CIT: variants seen among roughly 807,000 people sequenced by gnomAD.
CIT encodes citron Rho-interacting kinase.
CIT carries 79 observed loss-of-function variants against 272.7 expected under a neutral mutation model. That is an observed-to-expected ratio of 0.29 (90% CI 0.24 to 0.35). The LOEUF is 0.35. Among genes scored for constraint, CIT ranks in the 10% least tolerant of loss-of-function variants. The pLI is 1.00. For synonymous variants in CIT, 948 were observed against 995.6 expected, an observed-to-expected ratio of 0.95 and a Z score of 0.90; for missense variants, 1,909 against 2,618.3, an observed-to-expected ratio of 0.73 and a Z score of 5.91.
rs538231478 is a variant in CIT at position 119,826,097 on chromosome 12, C to T, written c.754-729G>A. Reference sequence around the variant, plus strand: ...AGAAAAAAGAGAAGAGAACTGGTGGCTAACTGGCAAGATAATATTACAAAT... The same window carrying T: ...AGAAAAAAGAGAAGAGAACTGGTGGTTAACTGGCAAGATAATATTACAAAT... On this transcript the variant is annotated intron_variant, in intron 7 of 47. Transcript: ENST00000392521. 1.2e-3 allele frequency among the ~76,000 whole-genome samples: 189 copies of T among 152,104 alleles called. 2 individuals are homozygous for T. The highest frequency in any genetic ancestry group is 3.4e-3 in the Middle Eastern group (1 of 292).
chr12:119,783,000 T>C, intron 12 of CIT: 1 of 165,834 alleles, frequency 6.0e-6, no homozygotes, highest in Non-Finnish European at 1.3e-5. Flanking sequence ...TCTACAGTTA[T>C]TTGTGGGCCC....
rs1372568893 is a variant in CIT, at chr12:119,694,811, A to T, written c.5882+2848T>A. Among the ~76,000 whole-genome samples the T allele has an allele frequency of 6.6e-6, 1 of 151,556 alleles. No homozygotes were observed. The highest frequency in any genetic ancestry group is 1.9e-4 in the East Asian group (1 of 5,148). On this transcript the variant is annotated intron_variant, in intron 46 of 47. Transcript: ENST00000392521. The surrounding 1 kb of genome is among the most constrained non-coding windows in gnomAD (Gnocchi z 4.5). Reference sequence around the variant, plus strand: ...ACAGAGTGAGACCCTACCTCGAAAAAAAATAAATAAATAAAAATAAAAAAT... The same window carrying T: ...ACAGAGTGAGACCCTACCTCGAAAATAAATAAATAAATAAAAATAAAAAAT...
At chr12:119,714,063 C>A (rs906374984) in intron 33 of CIT, 134 bp downstream of exon 33, 10 of 984,102 alleles carry the variant, frequency 1.0e-5, no homozygotes, top group Non-Finnish European at 1.5e-5. Flanking sequence ...AAAATAGCAT[C>A]CTCCTACTGA....
At chr12:119,836,053 C>A (rs1278140362) in intron 5 of CIT, among the ~76,000 whole-genome samples, 1 of 151,878 alleles carries the variant, frequency 6.6e-6, no homozygotes, top group African/African-American at 2.4e-5. Context: ...CTTTGGGAGG[C>A]CGAGGCAGGC....
At chr12:119,750,994 C>A (rs1960190472) in intron 23 of CIT, among the ~76,000 whole-genome samples, 1 of 151,968 alleles carries the variant, frequency 6.6e-6, no homozygotes, top group Non-Finnish European at 1.5e-5. Flanking sequence ...ACACTAAACC[C>A]AATCAGCTGT....
At position 119,710,212 on chromosome 12, in the gene CIT, T is replaced by C; in HGVS notation, c.5071+39A>G. On this transcript the variant is annotated intron_variant, in intron 39 of 47. Transcript: ENST00000392521. The surrounding 1 kb of genome is among the most constrained non-coding windows in gnomAD (Gnocchi z 5.6). ...CGTGGCTTCAACATATTGGCTCCCTTGAAAGTAAAGAAAAAACACCATGTC... is the reference window on the plus strand; with the variant it reads ...CGTGGCTTCAACATATTGGCTCCCTCGAAAGTAAAGAAAAAACACCATGTC... 6.2e-7 allele frequency: 1 copy of C among 1,600,338 alleles called. No individual in the cohort carries two copies. The highest frequency in any genetic ancestry group is 1.4e-5 in the African/African-American group (1 of 73,980).
At chr12:119,711,169 T>A in intron 37 of CIT, 7 of 1,212,954 alleles carry the variant, frequency 5.8e-6, no homozygotes, top group Non-Finnish European at 7.9e-6. Context: ...CAAACAGGTC[T>A]AACCACTGAG....
Position 119,708,260 on chromosome 12 carries a change from C to T in CIT, c.5130G>A (p.Gln1710=), listed in dbSNP as rs983680668. 6.2e-7 allele frequency: 1 copy of T among 1,607,690 alleles called. No individual in the cohort carries two copies. Among genetic ancestry groups the T allele is most frequent in the African/African-American group, 1.3e-5 (1 of 74,584 alleles). Reference sequence around the variant, plus strand: ...TGTCGGGCTGGGCAGGCAGGTGGGACTGGGCCAGGGACTGTTTCACTTTCT... The same window carrying T: ...TGTCGGGCTGGGCAGGCAGGTGGGATTGGGCCAGGGACTGTTTCACTTTCT... ...DVKKVKQSLA[Q]SHLPAQPDIS... Residue 1710 remains glutamine (Q), a synonymous_variant, in exon 40 of 48, where the codon CAG becomes CAA. Coordinates refer to ENST00000392521, the MANE Select transcript of CIT (RefSeq NM_001206999.2).
intron 24 of CIT, among the ~76,000 whole-genome samples, chr12:119,738,842 C>T (rs1958917802): frequency 6.6e-6 from 1 of 150,406 alleles, no homozygotes; most frequent in Non-Finnish European, 1.5e-5. Flanking sequence ...AAGATCACGC[C>T]ATTGCACCCC....
rs932217778 is a variant in CIT at position 119,768,093 on chromosome 12, G to A, written c.2209-911C>T. Among the ~76,000 whole-genome samples the A allele has an allele frequency of 6.6e-6, 1 of 151,958 alleles. No homozygotes were observed. Among genetic ancestry groups the A allele is most frequent in the Non-Finnish European group, 1.5e-5 (1 of 67,984 alleles). The stretch of plus-strand genomic sequence containing the variant: ...TGCCCGGCTAATTTTTGTATTTTTA[G>A]TAGAGGCGAGGTTTCACCATGTCGG... On this transcript the variant is annotated intron_variant, in intron 18 of 47. Transcript: ENST00000392521. This position sits in a 1 kb window ranked among gnomAD's most constrained non-coding sequence, Gnocchi z 4.3.
intron 10 of CIT, among the ~76,000 whole-genome samples, chr12:119,785,739 C>A (rs1269131142): frequency 6.6e-6 from 1 of 151,884 alleles, no homozygotes; most frequent in Non-Finnish European, 1.5e-5. Flanking sequence ...GTGACCGTGC[C>A]TGACTAATTT....
In CIT at chr12:119,712,499, G is replaced by A. The variant is rs1957216705; in HGVS notation, c.4684+92C>T. ...CGGAGGAAGATGGGCCTCCTTTGCA[G>A]AGCCAATCTTCCCTGTACCACCCCT... On this transcript the variant is annotated intron_variant, in intron 36 of 47. Transcript: ENST00000392521. This position sits in a 1 kb window ranked among gnomAD's most constrained non-coding sequence, Gnocchi z 5.2. The A allele has an allele frequency of 4.3e-6, 6 of 1,406,828 alleles. No individual in the cohort carries two copies. The highest frequency in any genetic ancestry group is 6.0e-6 in the Non-Finnish European group (6 of 1,007,644). 87.1% of individuals were successfully genotyped at this position (1,406,828 alleles called of 1,614,324 possible). A position where few individuals can be genotyped will look rare whatever the true frequency, so the allele number is the denominator to read the frequency against.
rs1197308659 is a variant in CIT, at chr12:119,742,460, T to C, written c.2909A>G (p.His970Arg). 1 of 1,610,422 alleles carries C rather than the reference T, an allele frequency of 6.2e-7. No individual in the cohort carries two copies. Residue 970 changes from histidine (H) to arginine (R), a missense_variant, in exon 24 of 48, where the codon CAT becomes CGT. This residue lies in a region of CIT where 530 missense variants were observed against 822.4 expected (regional missense o/e 0.64). Coordinates refer to ENST00000392521, the MANE Select transcript of CIT (RefSeq NM_001206999.2). ...AAATTTGCGCTGGATTTCATCTCTA[T>C]GTGCCTAAAAGGTAAGAAGTTGATT... ...AEEEIQALTA[H>R]RDEIQRKFDA...
chr12:119,850,235 C>T lies in CIT; in HGVS notation c.455G>A (p.Ser152Asn). ...FEEERNILSRSTSPWIPQLQY... is the reference protein window; with the variant it reads ...FEEERNILSRNTSPWIPQLQY... ...TAATTGGGGGATCCACGGGCTTGTGCTTCGAGATAATATGTTCCGCTCTTC... is the reference window on the plus strand; with the variant it reads ...TAATTGGGGGATCCACGGGCTTGTGTTTCGAGATAATATGTTCCGCTCTTC... Residue 152 changes from serine (S) to asparagine (N), a missense_variant, in exon 5 of 48, where the codon AGC becomes AAC. Physicochemically the swap from Ser to Asn is conservative, Grantham distance 46. Transcript: ENST00000392521. 2 of 1,613,556 alleles carry T rather than the reference C, an allele frequency of 1.2e-6. No individual in the cohort carries two copies. Among genetic ancestry groups the T allele is most frequent in the Non-Finnish European group, 1.7e-6 (2 of 1,179,700 alleles).
intron 30 of CIT, 195 bp from the exon 31 acceptor site, chr12:119,719,056 T>C (rs973793584): frequency 7.0e-6 from 4 of 572,956 alleles, no homozygotes; most frequent in East Asian, 3.0e-5. Flanking sequence ...CTGAAAAAAA[T>C]AGGGGTGCGG....
At position 119,686,145 on chromosome 12, in the gene CIT, T is replaced by TA. The variant is rs1955570233; in HGVS notation, c.*2086dup. The stretch of plus-strand genomic sequence containing the variant: ...CAATTCAATTTCCTCTTTTTTTTTT[T>TA]ACGAATATAAAGTTTCTTGTAAATA... On this transcript the variant is annotated 3_prime_UTR_variant, in exon 48 of 48. Transcript: ENST00000392521. 6.6e-6 allele frequency: 1 copy of TA among 152,406 alleles called. No individual in the cohort carries two copies. The highest frequency in any genetic ancestry group is 1.5e-5 in the Non-Finnish European group (1 of 68,030). The allele number at this position is 152,406 out of a possible 1,614,324, so 9.4% of individuals were successfully genotyped here.
chr12:119,822,289 T>C (rs759608122), intron 9 of CIT, among the ~76,000 whole-genome samples: 1 of 152,264 alleles, frequency 6.6e-6, no homozygotes, highest in Non-Finnish European at 1.5e-5. Context: ...TAACTGATTA[T>C]AAAAAGTGAT....
chr12:119,813,027 G>A (rs1209279754), intron 9 of CIT, among the ~76,000 whole-genome samples: 1 of 152,146 alleles, frequency 6.6e-6, no homozygotes, highest in Non-Finnish European at 1.5e-5. Context: ...TTTCCATCAG[G>A]CCCCCTGTTG....
At chr12:119,800,922 G>A (rs1035525246) in intron 10 of CIT, among the ~76,000 whole-genome samples, 1 of 152,142 alleles carries the variant, frequency 6.6e-6, no homozygotes, top group African/African-American at 2.4e-5. Context: ...CTAAAATGAT[G>A]CTTGTAGGTA....
Sources: allele counts gnomAD v4.1 joint callset (sites outside exome capture counted in the v4.1 genomes callset), GRCh38; gene constraint gnomAD v4.1.1; regional missense constraint gnomAD v4.1.1; non-coding constraint Gnocchi (gnomAD v3.1); transcripts MANE v1.5; gene names NCBI Gene and HGNC (gene_info 2026-07-23, HGNC 2026-07-21).